COG5: variants seen among roughly 807,000 people sequenced by gnomAD.
The protein encoded by COG5 is component of oligomeric golgi complex 5.
In COG5, 86 loss-of-function variants were observed where a neutral mutation model predicts 110.4. That is an observed-to-expected ratio of 0.78 (90% CI 0.65 to 0.93). The LOEUF (loss-of-function observed/expected upper bound fraction) is 0.93, where lower values mean the gene tolerates loss of function less well. Ranked by LOEUF, COG5 falls within the 40% of genes least tolerant of loss-of-function variation. The pLI, the probability that COG5 is intolerant of heterozygous loss-of-function variation, is 0.00. For missense variants in COG5, 1,077 were observed against 987.0 expected, an observed-to-expected ratio of 1.09 and a Z score of -1.22; for synonymous variants, 360 against 334.6, an observed-to-expected ratio of 1.08 and a Z score of -0.83.
chr7:107,559,863 A>T (rs917823009), intron 1 of COG5, among the ~76,000 whole-genome samples: 2 of 152,252 alleles, frequency 1.3e-5, no homozygotes, highest in African/African-American at 4.8e-5. Flanking sequence ...AGTGTGTCTA[A>T]ATCATAGCAC....
In COG5 at chr7:107,474,432, T is replaced by G. The variant is rs372374823; in HGVS notation, c.538+52805A>C. On this transcript the variant is annotated intron_variant, in intron 6 of 21. Transcript: ENST00000297135. The surrounding 1 kb of genome is among the most constrained non-coding windows in gnomAD (Gnocchi z 5.7). ...GTTTCCATGAGGCTTGTGTATCTTT[T>G]GCAAGTGTCTCAACAGCAATCAACG... 6.2e-7 allele frequency: 1 copy of G among 1,613,352 alleles called. No homozygotes were observed. Among genetic ancestry groups the G allele is most frequent in the African/African-American group, 1.3e-5 (1 of 75,014 alleles).
intron 6 of COG5, among the ~76,000 whole-genome samples, chr7:107,421,254 A>G (rs543643344): frequency 6.6e-5 from 10 of 152,300 alleles, no homozygotes; most frequent in South Asian, 4.1e-4. Flanking sequence ...CTACCTTCCA[A>G]TCAGTACCTA....
chr7:107,323,591 T>C (rs549119514), intron 11 of COG5, among the ~76,000 whole-genome samples: 2 of 152,264 alleles, frequency 1.3e-5, no homozygotes, highest in East Asian at 3.9e-4. Context: ...TGGATCCTAA[T>C]ATCCCATTAG....
At chr7:107,413,739 T>C (rs1215469507) in intron 6 of COG5, among the ~76,000 whole-genome samples, 1 of 152,250 alleles carries the variant, frequency 6.6e-6, no homozygotes, top group African/African-American at 2.4e-5. Flanking sequence ...AAAATGATGA[T>C]GATGATGATT....
chr7:107,364,910 T>C (rs148211213), intron 8 of COG5, among the ~76,000 whole-genome samples: 6,370 of 152,226 alleles, frequency 0.042, 200 homozygotes, highest in Middle Eastern at 0.12. Context: ...TGCAGTGCTA[T>C]GCAAAGACTA....
chr7:107,407,384 A>G (rs1791930565), intron 7 of COG5, among the ~76,000 whole-genome samples: 1 of 152,206 alleles, frequency 6.6e-6, no homozygotes, highest in African/African-American at 2.4e-5. Flanking sequence ...CTCCATCTCA[A>G]AAAAGGAAAA....
chr7:107,214,227 C>T (rs541619701), intron 19 of COG5, among the ~76,000 whole-genome samples: 1 of 151,816 alleles, frequency 6.6e-6, no homozygotes, highest in African/African-American at 2.4e-5. Flanking sequence ...AAATAAAAGA[C>T]AAAAAAATTG....
intron 3 of COG5, 123 bp downstream of exon 3, chr7:107,554,162 T>C (rs1185437145): frequency 1.4e-5 from 11 of 764,170 alleles, no homozygotes; most frequent in African/African-American, 3.4e-5. Context: ...CAGAGTTTAG[T>C]AGTTGCAACA....
At chr7:107,459,813 G>A (rs1584852393) in intron 6 of COG5, among the ~76,000 whole-genome samples, 2 of 134,202 alleles carry the variant, frequency 1.5e-5, no homozygotes, top group South Asian at 4.8e-4. Context: ...AAAAAAAAAA[G>A]TTAATAGAAC....
At chr7:107,293,331 T>C (rs1225158455) in intron 12 of COG5, among the ~76,000 whole-genome samples, 2 of 152,090 alleles carry the variant, frequency 1.3e-5, no homozygotes, top group Non-Finnish European at 2.9e-5. Flanking sequence ...ATTAGAAATG[T>C]TGAGGCCCTG....
At chr7:107,464,091 G>T (rs2129103055) in intron 6 of COG5, among the ~76,000 whole-genome samples, 1 of 152,258 alleles carries the variant, frequency 6.6e-6, no homozygotes, top group Middle Eastern at 3.4e-3. Flanking sequence ...GGTTAGAATA[G>T]AGGGGGTAGA....
intron 6 of COG5, among the ~76,000 whole-genome samples, chr7:107,523,593 T>C (rs1042262422): frequency 6.6e-5 from 10 of 152,028 alleles, no homozygotes; most frequent in African/African-American, 1.9e-4. Flanking sequence ...GAAGGGTGGA[T>C]CACCTGAGGT....
intron 7 of COG5, among the ~76,000 whole-genome samples, chr7:107,381,592 A>G (rs1815126546): frequency 6.6e-6 from 1 of 152,188 alleles, no homozygotes; most frequent in South Asian, 2.1e-4. Context: ...TTTTCAAAAG[A>G]TGGTTTATAA....
chr7:107,477,992 A>G (rs994496778), intron 6 of COG5, among the ~76,000 whole-genome samples: 1 of 151,962 alleles, frequency 6.6e-6, no homozygotes, highest in Non-Finnish European at 1.5e-5. Flanking sequence ...AGGCAACAAT[A>G]AACTCAATAT....
chr7:107,389,423 T>A (rs961622252), intron 7 of COG5, among the ~76,000 whole-genome samples: 3 of 152,216 alleles, frequency 2.0e-5, no homozygotes, highest in Non-Finnish European at 4.4e-5. Context: ...TTACTGTGTA[T>A]CTCTGCCCAA....
chr7:107,297,943 C>A (rs1806898831), intron 12 of COG5, among the ~76,000 whole-genome samples, 199 bp downstream of exon 12: 1 of 152,084 alleles, frequency 6.6e-6, no homozygotes, highest in Non-Finnish European at 1.5e-5. Context: ...GCAGGAGCCA[C>A]AAGTGTTCAA....
chr7:107,545,881 C>A (rs1005286564), intron 5 of COG5, among the ~76,000 whole-genome samples: 2 of 149,470 alleles, frequency 1.3e-5, no homozygotes, highest in Non-Finnish European at 1.5e-5. Flanking sequence ...ATAAACTGAA[C>A]AAATACAGAA....
intron 6 of COG5, among the ~76,000 whole-genome samples, chr7:107,415,485 T>C (rs974370107): frequency 1.3e-5 from 2 of 151,774 alleles, no homozygotes; most frequent in African/African-American, 4.8e-5. Flanking sequence ...TAAAACTAAA[T>C]TCTAAAAAGT....
intron 10 of COG5, among the ~76,000 whole-genome samples, chr7:107,339,555 T>A (rs575246134): frequency 6.0e-4 from 92 of 152,100 alleles, no homozygotes; most frequent in African/African-American, 2.1e-3. Flanking sequence ...ACTCCACCCA[T>A]CAACTACAGT....
Sources: gnomAD v4.1 joint callset for allele counts (sites outside exome capture counted in the v4.1 genomes callset) on GRCh38, gnomAD v4.1.1 for gene constraint, Gnocchi (gnomAD v3.1) non-coding constraint, MANE v1.5 for transcripts, NCBI Gene and HGNC (gene_info 2026-07-23, HGNC 2026-07-21) for gene names.